MRAS: variants seen among roughly 807,000 people sequenced by gnomAD.
The protein encoded by MRAS is muscle RAS oncogene homolog, also known as ras-related protein M-Ras.
A neutral mutation model predicts 20.9 loss-of-function variants in MRAS; 4 were observed. That is an observed-to-expected ratio of 0.19 (90% CI 0.09 to 0.44). The LOEUF (loss-of-function observed/expected upper bound fraction) is 0.44, where lower values mean the gene tolerates loss of function less well. Among genes scored for constraint, MRAS ranks in the 20% least tolerant of loss-of-function variants. The pLI is 0.99. For missense variants in MRAS, 154 were observed against 277.5 expected, an observed-to-expected ratio of 0.56 and a Z score of 3.16; for synonymous variants, 98 against 102.9, an observed-to-expected ratio of 0.95 and a Z score of 0.29.
At chr3:138,397,197 CCT>C in intron 2 of MRAS, 125 bp from the exon 3 acceptor site, 3 of 1,109,962 alleles carry the variant, frequency 2.7e-6, no homozygotes, top group Non-Finnish European at 3.8e-6. Flanking sequence ...GCTTATGCAG[CCT>C]CTCACGGGAC....
At chr3:138,397,229 T>C (rs1185546551) in intron 2 of MRAS, 95 bp from the exon 3 acceptor site, 9 of 1,455,960 alleles carry the variant, frequency 6.2e-6, no homozygotes, top group Non-Finnish European at 8.4e-6. Flanking sequence ...TGGGCCACGG[T>C]AGGGACAGCA....
At chr3:138,398,387 G>T in intron 3 of MRAS, 82 bp from the exon 4 acceptor site, 1 of 1,152,636 alleles carries the variant, frequency 8.7e-7, no homozygotes, top group Non-Finnish European at 1.3e-6. Context: ...GCTGTGCTAT[G>T]CCTGAGATGT....
intron 1 of MRAS, among the ~76,000 whole-genome samples, chr3:138,357,606 C>G (rs914401241): frequency 1.3e-5 from 2 of 152,166 alleles, no homozygotes; most frequent in Admixed American, 1.3e-4. Context: ...AAAAATTGCC[C>G]AAGTATTGAT....
At chr3:138,373,120 G>A in intron 2 of MRAS, 44 bp downstream of exon 2, 1 of 1,378,046 alleles carries the variant, frequency 7.3e-7, no homozygotes, top group Non-Finnish European at 9.5e-7. Flanking sequence ...GATAGTAGAT[G>A]GGGAGGATCA....
intron 1 of MRAS, among the ~76,000 whole-genome samples, chr3:138,357,165 T>TAGGAAAG (rs2054352471): frequency 6.6e-6 from 1 of 152,286 alleles, no homozygotes; most frequent in South Asian, 2.1e-4. Flanking sequence ...GGTGGGTAAA[T>TAGGAAAG]AGGAAAGACG....
rs76644319 is a variant in MRAS, at chr3:138,355,088, A to G, written c.-19+6321A>G. Among the ~76,000 whole-genome samples the G allele has an allele frequency of 2.7e-3, 413 of 152,268 alleles. 2 individuals are homozygous for G. Among genetic ancestry groups the G allele is most frequent in the Non-Finnish European group, 4.5e-3 (303 of 68,022 alleles). On this transcript the variant is annotated intron_variant, in intron 1 of 5. Transcript: ENST00000423968. ...GCATGAGCCCCCACACCTGGACACA[A>G]AATACATTATATACTCTAAAGTATA...
chr3:138,393,481 G>C (rs1000271604), intron 2 of MRAS, among the ~76,000 whole-genome samples: 2 of 152,078 alleles, frequency 1.3e-5, no homozygotes, highest in Non-Finnish European at 2.9e-5. Context: ...CAGAAAGCCT[G>C]GGTGATATAA....
rs923431074 is a variant in MRAS at position 138,393,823 on chromosome 3, G to A, written c.194-3501G>A. On this transcript the variant is annotated intron_variant, in intron 2 of 5. Coordinates refer to ENST00000423968, the MANE Select transcript of MRAS (RefSeq NM_001085049.3). Reference sequence around the variant, plus strand: ...TCCTGCCTCAGCCTCCCGAGTAGCTGGGATTACAGGCACCTGCCACCATGC... The same window carrying A: ...TCCTGCCTCAGCCTCCCGAGTAGCTAGGATTACAGGCACCTGCCACCATGC... Among the ~76,000 whole-genome samples, 39 of 152,148 alleles carry A rather than the reference G, an allele frequency of 2.6e-4. No individual in the cohort carries two copies. The Middle Eastern group carries it at 0.01, about 40-fold the overall frequency.
intron 2 of MRAS, among the ~76,000 whole-genome samples, chr3:138,387,501 A>G (rs1035704162): frequency 1.3e-5 from 2 of 152,174 alleles, no homozygotes; most frequent in South Asian, 2.1e-4. Context: ...TCCTGCCTCT[A>G]CTGCTCATTA....
chr3:138,389,981 C>T (rs1209011675), intron 2 of MRAS, among the ~76,000 whole-genome samples: 1 of 151,534 alleles, frequency 6.6e-6, no homozygotes, highest in Non-Finnish European at 1.5e-5. Flanking sequence ...CCTGTAATCC[C>T]AGGCGTGGGC....
chr3:138,399,809 G>T (rs922578035), intron 4 of MRAS, among the ~76,000 whole-genome samples: 1 of 152,192 alleles, frequency 6.6e-6, no homozygotes, highest in South Asian at 2.1e-4. Context: ...GAGCGCTCAG[G>T]AGTGAGTGTG....
At chr3:138,401,488 A>G (rs974980889) in intron 5 of MRAS, among the ~76,000 whole-genome samples, 2 of 152,250 alleles carry the variant, frequency 1.3e-5, no homozygotes, top group African/African-American at 4.8e-5. Flanking sequence ...CACTCTCAAA[A>G]TGATTTTCTC....
At chr3:138,378,941 A>G (rs1448899355) in intron 2 of MRAS, among the ~76,000 whole-genome samples, 1 of 151,934 alleles carries the variant, frequency 6.6e-6, no homozygotes, top group East Asian at 1.9e-4. Context: ...TATTGATATC[A>G]TATTCATACA....
chr3:138,400,438 A>G (rs757942143), intron 4 of MRAS, 96 bp from the exon 5 acceptor site: 37 of 1,108,052 alleles, frequency 3.3e-5, no homozygotes, highest in Non-Finnish European at 4.9e-5. Flanking sequence ...TTTTGAAAGC[A>G]CCTGGGTTCC....
upstream of MRAS, chr3:138,348,518 G>C (rs1010319899): frequency 2.0e-5 from 3 of 152,036 alleles, no homozygotes; most frequent in African/African-American, 7.2e-5. Context: ...CGCCCGCAGC[G>C]GCGCTCTATT....
chr3:138,384,451 T>C (rs1402465611), intron 2 of MRAS, among the ~76,000 whole-genome samples: 1 of 151,886 alleles, frequency 6.6e-6, no homozygotes, highest in African/African-American at 2.4e-5. Flanking sequence ...GTCGATGGAG[T>C]ATTTGAGGTT....
At chr3:138,398,282 G>GCCCCCGGGCCCTTT (rs1426243880) in intron 3 of MRAS, among the ~76,000 whole-genome samples, 187 bp from the exon 4 acceptor site, 3 of 152,208 alleles carry the variant, frequency 2.0e-5, no homozygotes, top group African/African-American at 2.4e-5. Flanking sequence ...ATAGCCAGCA[G>GCCCCCGGGCCCTTT]CCCCCGGGCC....
chr3:138,398,630 C>T lies in MRAS; in HGVS notation c.447+62C>T, dbSNP rs2055292456. 4 of 1,425,844 alleles carry T rather than the reference C, an allele frequency of 2.8e-6. No homozygotes were observed. In the African/African-American group the frequency reaches 5.6e-5, roughly 20 times the overall value. 88.3% of individuals were successfully genotyped at this position (1,425,844 alleles called of 1,614,324 possible). On this transcript the variant is annotated intron_variant, in intron 4 of 5. Coordinates refer to ENST00000423968, the MANE Select transcript of MRAS (RefSeq NM_001085049.3). ...TGTGTAAAAGCTGTAGCCTGGTCACCCCTGCAGTCCTGGTCTTTGGAAATG... is the reference window on the plus strand; with the variant it reads ...TGTGTAAAAGCTGTAGCCTGGTCACTCCTGCAGTCCTGGTCTTTGGAAATG...
rs140745109 is a variant in MRAS at position 138,371,348 on chromosome 3, G to C, written c.-18-1518G>C. Among the ~76,000 whole-genome samples, 228 of 152,268 alleles carry C rather than the reference G, an allele frequency of 1.5e-3. 2 individuals carry two copies. The highest frequency in any genetic ancestry group is 3.7e-3 in the South Asian group (18 of 4,824). ...CACATTTGTGTCCAGCCCCCTTTCT[G>C]TCAAAATCTAGAACTGAAGACTATT... On this transcript the variant is annotated intron_variant, in intron 1 of 5. Transcript: ENST00000423968.
Sources: allele counts gnomAD v4.1 joint callset (sites outside exome capture counted in the v4.1 genomes callset), GRCh38; gene constraint gnomAD v4.1.1; transcripts MANE v1.5; gene names NCBI Gene and HGNC (gene_info 2026-07-23, HGNC 2026-07-21).